SERPINB8: variants seen among roughly 807,000 people sequenced by gnomAD.
The protein encoded by SERPINB8 is serpin B8.
In SERPINB8, 25 loss-of-function variants were observed where a neutral mutation model predicts 35.3. The ratio of observed to expected loss-of-function variants is 0.71; its 90% CI spans 0.52 to 0.99. The LOEUF (loss-of-function observed/expected upper bound fraction) is 0.99, where lower values mean the gene tolerates loss of function less well. Ranked by LOEUF, SERPINB8 falls within the 50% of genes least tolerant of loss-of-function variation. The pLI is 0.00. For synonymous variants in SERPINB8, 186 were observed against 160.8 expected, an observed-to-expected ratio of 1.16 and a Z score of -1.19; for missense variants, 484 against 446.5, an observed-to-expected ratio of 1.08 and a Z score of -0.76.
chr18:64,003,851 C>T (rs1027081759), intron 1 of SERPINB8, among the ~76,000 whole-genome samples: 2 of 152,184 alleles, frequency 1.3e-5, no homozygotes, highest in African/African-American at 4.8e-5. Context: ...GTCAGCTTTA[C>T]TTGGTGTACC....
intron 7 of SERPINB8, among the ~76,000 whole-genome samples, chr18:64,018,587 C>G (rs958351224): frequency 3.3e-5 from 5 of 151,602 alleles, no homozygotes; most frequent in Non-Finnish European, 4.4e-5. Flanking sequence ...GTCTCATCAT[C>G]ATTATGACCA....
rs28378135 is a variant in SERPINB8, at chr18:64,002,909, A to G, written c.71-1910A>G. Among the ~76,000 whole-genome samples the G allele has an allele frequency of 4.6e-3, 704 of 152,268 alleles. 4 individuals are homozygous for G. Among genetic ancestry groups the G allele is most frequent in the African/African-American group, 0.011 (467 of 41,572 alleles). ...TGAGAAGGAAGGCAGAAGGCCCCCAAGCCGGCGGGGCCGGGATAATAAGGT... is the reference window on the plus strand; with the variant it reads ...TGAGAAGGAAGGCAGAAGGCCCCCAGGCCGGCGGGGCCGGGATAATAAGGT... On this transcript the variant is annotated intron_variant, in intron 1 of 1. Coordinates refer to the SERPINB8 transcript ENST00000493661.
At position 63,987,232 on chromosome 18, in the gene SERPINB8, A is replaced by G. The variant is rs762593398; in HGVS notation, c.1079A>G (p.His360Arg). The G allele has an allele frequency of 1.2e-6, 2 of 1,614,126 alleles. No homozygotes were observed. The highest frequency in any genetic ancestry group is 2.2e-5 in the South Asian group (2 of 91,080). ...CCTTTTCTTTTCTTCATCAGGCACC[A>G]CAAAACCAACTGCATCTTGTTCTGT... Reference protein sequence around the residue: ...DHPFLFFIRHHKTNCILFCGR... With the variant: ...DHPFLFFIRHRKTNCILFCGR... The change falls in exon 7 of 7, where the codon CAC (histidine) becomes CGC (arginine). Residue 360 changes from histidine to arginine, a missense_variant. By Grantham distance (29) the His-to-Arg change is conservative. Coordinates refer to ENST00000397985, the MANE Select transcript of SERPINB8 (RefSeq NM_002640.4).
chr18:63,995,995 C>T (rs769379154), intron 1 of SERPINB8, among the ~76,000 whole-genome samples: 2 of 152,092 alleles, frequency 1.3e-5, no homozygotes, highest in Non-Finnish European at 2.9e-5. Flanking sequence ...CAGGTGGTTG[C>T]GTAGGCCATC....
intron 1 of SERPINB8, among the ~76,000 whole-genome samples, chr18:64,001,225 G>A (rs1042178410): frequency 3.3e-5 from 5 of 152,084 alleles, no homozygotes; most frequent in South Asian, 2.1e-4. Context: ...GTTTTTTAAC[G>A]GAATCAAGAA....
In SERPINB8 at chr18:63,989,125, T is replaced by TAGG. The variant is rs1429402634; in HGVS notation, c.*1847_*1848insAGG. 1.6e-4 allele frequency: 24 copies of TAGG among 152,242 alleles called. No individual in the cohort carries two copies. 9.4% of individuals were successfully genotyped at this position (152,242 alleles called of 1,614,324 possible). On this transcript the variant is annotated 3_prime_UTR_variant, in exon 7 of 7. Transcript: ENST00000397985. Reference sequence around the variant, plus strand: ...AGATTAATTTGCATTTTTAAAGAAATTTACATACATGGAACCATACATCAT... The same window carrying TAGG: ...AGATTAATTTGCATTTTTAAAGAAATAGGTTACATACATGGAACCATACATCAT...
At chr18:63,989,562 A>G (rs1055403668), downstream of SERPINB8, among the ~76,000 whole-genome samples, 5 of 152,100 alleles carry the variant, frequency 3.3e-5, no homozygotes, top group Admixed American at 1.3e-4. Context: ...CTTCTCACCA[A>G]TACTTGGTAC....
Position 64,002,155 on chromosome 18 carries a change from C to A in SERPINB8, c.71-2664C>A, listed in dbSNP as rs543477653. On this transcript the variant is annotated intron_variant, in intron 1 of 1. Transcript: ENST00000493661. The stretch of plus-strand genomic sequence containing the variant: ...CCCCAGCCACTCTGTGTCTGAGCCA[C>A]GCAGTCTGCACGTGTTTCTGTCATG... 4.6e-5 allele frequency among the ~76,000 whole-genome samples: 7 copies of A among 152,246 alleles called. No individual in the cohort carries two copies. In the East Asian group the frequency reaches 1.2e-3, roughly 25 times the overall value.
At chr18:64,019,317 A>G (rs2144855996) in exon 8 of SERPINB8, 1 of 152,272 alleles carries the variant, frequency 6.6e-6, no homozygotes, top group South Asian at 2.1e-4. Context: ...GCCTACTTGT[A>G]CTGTGTGTAC....
intron 7 of SERPINB8, among the ~76,000 whole-genome samples, chr18:64,014,501 C>T (rs73486363): frequency 0.055 from 8,428 of 152,146 alleles, 728 homozygotes; most frequent in African/African-American, 0.19. Context: ...TGGCTGGGAA[C>T]GCTGAAGACC....
At chr18:63,993,806 T>C (rs634991), downstream of SERPINB8, among the ~76,000 whole-genome samples, 28,429 of 152,114 alleles carry the variant, frequency 0.19, 3,216 homozygotes, top group African/African-American at 0.32. Context: ...AGCCAGGGCA[T>C]TGAAGTGTCC....
At chr18:63,992,607 T>C (rs1166988382), downstream of SERPINB8, among the ~76,000 whole-genome samples, 4 of 152,236 alleles carry the variant, frequency 2.6e-5, no homozygotes, top group African/African-American at 4.8e-5. Flanking sequence ...TGATTTCTGC[T>C]CTGATCTTTA....
chr18:63,973,435 G>C (rs1384541092), intron 1 of SERPINB8, among the ~76,000 whole-genome samples: 1 of 152,154 alleles, frequency 6.6e-6, no homozygotes, highest in African/African-American at 2.4e-5. Flanking sequence ...CTCCCATTCT[G>C]TAGGTTGCCT....
In SERPINB8 at chr18:63,974,967, A is replaced by G. The variant is rs141207899; in HGVS notation, c.-10-3332A>G. On this transcript the variant is annotated intron_variant, in intron 1 of 6. Coordinates refer to ENST00000397985, the MANE Select transcript of SERPINB8 (RefSeq NM_002640.4). ...GGAAGTGGGGACATGAGATGAAGGA[A>G]GAGGAAAGATGGAAGAAATCAGAAG... Among the ~76,000 whole-genome samples the G allele has an allele frequency of 4.7e-4, 72 of 152,306 alleles. 1 individual carries two copies. Among genetic ancestry groups the G allele is most frequent in the African/African-American group, 1.6e-3 (67 of 41,554 alleles).
downstream of SERPINB8, among the ~76,000 whole-genome samples, chr18:63,993,811 G>T (rs1331923792): frequency 6.6e-6 from 1 of 152,226 alleles, no homozygotes. Flanking sequence ...GGGCATTGAA[G>T]TGTCCAGTGG....
At chr18:64,011,737 T>C (rs2050926912) in intron 7 of SERPINB8, among the ~76,000 whole-genome samples, 2 of 152,168 alleles carry the variant, frequency 1.3e-5, no homozygotes, top group Non-Finnish European at 2.9e-5. Flanking sequence ...CAATAGTTGA[T>C]ATTAGGGAAG....
chr18:64,008,943 C>T (rs1395165163), downstream of SERPINB8, among the ~76,000 whole-genome samples: 1 of 151,986 alleles, frequency 6.6e-6, no homozygotes, highest in Non-Finnish European at 1.5e-5. Context: ...ATAGAGTTGT[C>T]GAGAGGATTT....
Position 63,978,392 on chromosome 18 carries a change from ATTC to A in SERPINB8, c.89_91del (p.Phe30del). The A allele has an allele frequency of 6.2e-7, 1 of 1,614,190 alleles. No homozygotes were observed. The highest frequency in any genetic ancestry group is 8.5e-7 in the Non-Finnish European group (1 of 1,180,034). On this transcript the variant is annotated inframe_deletion, in exon 2 of 7. Coordinates refer to ENST00000397985, the MANE Select transcript of SERPINB8 (RefSeq NM_002640.4). The stretch of plus-strand genomic sequence containing the variant: ...GGGAAGAGGACAACTCAAGAAACGT[ATTC>A]TTCTCTCCCATGAGCATCTCCTCTG...
At chr18:63,981,624 C>A in intron 3 of SERPINB8, 97 bp from the exon 4 acceptor site, 1 of 813,216 alleles carries the variant, frequency 1.2e-6, no homozygotes, top group Non-Finnish European at 2.0e-6. Context: ...CCTGTCCAAG[C>A]ACTTATTGTA....
Sources: allele counts gnomAD v4.1 joint callset (sites outside exome capture counted in the v4.1 genomes callset), GRCh38; gene constraint gnomAD v4.1.1; transcripts MANE v1.5; gene names NCBI Gene and HGNC (gene_info 2026-07-23, HGNC 2026-07-21).